The following AGBL4 variants were observed in gnomAD, a reference collection of about 807,000 sequenced individuals.
AGBL4 encodes the protein AGBL carboxypeptidase 4.
In AGBL4, 58 loss-of-function variants were observed where a neutral mutation model predicts 66.4. The observed-to-expected ratio is 0.87, with a 90% confidence interval of 0.71 to 1.09. AGBL4 has a LOEUF of 1.09. Among genes scored for constraint, AGBL4 ranks in the 50% least tolerant of loss-of-function variants. The probability of loss-of-function intolerance (pLI) is 0.00; values close to 1 mark genes in which losing one functional copy is unlikely to be tolerated. For synonymous variants in AGBL4, 234 were observed against 222.9 expected, an observed-to-expected ratio of 1.05 and a Z score of -0.44; for missense variants, 579 against 631.0, an observed-to-expected ratio of 0.92 and a Z score of 0.88.
intron 6 of AGBL4, among the ~76,000 whole-genome samples, chr1:48,836,391 T>C (rs1338686485): frequency 2.6e-5 from 4 of 151,914 alleles, no homozygotes; most frequent in Non-Finnish European, 5.9e-5. Context: ...GGTTCAATAA[T>C]TTTGTGATCT....
chr1:49,120,162 AT>A, intron 4 of AGBL4, among the ~76,000 whole-genome samples: 1 of 152,330 alleles, frequency 6.6e-6, no homozygotes, highest in Admixed American at 6.5e-5. Context: ...TAATTGGAGC[AT>A]TTAGCCCATT....
chr1:50,001,015 A>T (rs945730442), intron 1 of AGBL4, among the ~76,000 whole-genome samples: 1 of 151,950 alleles, frequency 6.6e-6, no homozygotes, highest in African/African-American at 2.4e-5. Context: ...TAAAAAAAAT[A>T]AAAATAAAAA....
At chr1:48,776,934 G>T in intron 6 of AGBL4, 2 of 579,376 alleles carry the variant, frequency 3.5e-6, no homozygotes, top group Non-Finnish European at 5.6e-6. Context: ...GGTGCTGGGG[G>T]GGGCGGGGGC....
intron 6 of AGBL4, among the ~76,000 whole-genome samples, chr1:48,732,432 A>G (rs910395644): frequency 1.3e-5 from 2 of 152,234 alleles, no homozygotes; most frequent in Non-Finnish European, 2.9e-5. Flanking sequence ...AGATGCTCAT[A>G]AAGTTTAATT....
intron 5 of AGBL4, among the ~76,000 whole-genome samples, chr1:48,896,035 A>G (rs901977729): frequency 1.3e-5 from 2 of 152,240 alleles, no homozygotes; most frequent in Admixed American, 6.5e-5. Context: ...GGCGATGGCA[A>G]TAATAATGCC....
chr1:49,915,993 G>A (rs1303326780), intron 1 of AGBL4, among the ~76,000 whole-genome samples: 1 of 152,180 alleles, frequency 6.6e-6, no homozygotes, highest in East Asian at 1.9e-4. Flanking sequence ...TGGACCTCCA[G>A]CAAACTCCAA....
rs564932471 is a variant in AGBL4 at position 48,690,667 on chromosome 1, C to T, written c.635-27426G>A. Reference sequence around the variant, plus strand: ...TCCTATTTTTCCATACAAAATAGGACGTAAGTAGAAAAGCCTCATTTGAAC... The same window carrying T: ...TCCTATTTTTCCATACAAAATAGGATGTAAGTAGAAAAGCCTCATTTGAAC... On this transcript the variant is annotated intron_variant, in intron 6 of 13. Coordinates refer to ENST00000371839, the MANE Select transcript of AGBL4 (RefSeq NM_032785.4). Among the ~76,000 whole-genome samples, 6 of 151,496 alleles carry T rather than the reference C, an allele frequency of 4.0e-5. No homozygotes were observed. In the East Asian group the frequency reaches 5.9e-4, roughly 15 times the overall value.
chr1:49,776,161 T>C (rs998246053), intron 2 of AGBL4, among the ~76,000 whole-genome samples: 12 of 152,042 alleles, frequency 7.9e-5, no homozygotes, highest in African/African-American at 2.9e-4. Context: ...AAAATGGTGG[T>C]CAGTTATGCC....
intron 3 of AGBL4, among the ~76,000 whole-genome samples, chr1:49,615,999 T>G (rs759002470): frequency 1.3e-5 from 2 of 152,156 alleles, no homozygotes; most frequent in Non-Finnish European, 2.9e-5. Context: ...CTCTCCAAAA[T>G]TAAACTGTTA....
intron 4 of AGBL4, among the ~76,000 whole-genome samples, chr1:49,188,952 C>G (rs923247978): frequency 4.6e-5 from 7 of 152,158 alleles, no homozygotes; most frequent in South Asian, 2.1e-4. Flanking sequence ...CAACTCTGAT[C>G]AACTGGCAGT....
intron 1 of AGBL4, among the ~76,000 whole-genome samples, chr1:49,951,671 C>A (rs1236474569): frequency 6.6e-6 from 1 of 151,892 alleles, no homozygotes; most frequent in African/African-American, 2.4e-5. Flanking sequence ...AGTGTTACTC[C>A]CAAATAAATA....
chr1:48,844,325 T>G (rs1646866809), intron 6 of AGBL4, among the ~76,000 whole-genome samples: 1 of 152,178 alleles, frequency 6.6e-6, no homozygotes, highest in South Asian at 2.1e-4. Flanking sequence ...GAAAGCGTAG[T>G]CTCCACGTGC....
intron 12 of AGBL4, 127 bp from the exon 13 acceptor site, chr1:48,535,043 AG>A (rs1249884345): frequency 2.2e-6 from 2 of 890,600 alleles, no homozygotes; most frequent in African/African-American, 3.4e-5. Flanking sequence ...ATAGGACGTA[AG>A]TATGTTTTTA....
At chr1:49,928,026 A>G (rs1652965426) in intron 1 of AGBL4, among the ~76,000 whole-genome samples, 1 of 152,198 alleles carries the variant, frequency 6.6e-6, no homozygotes, top group South Asian at 2.1e-4. Context: ...CAAAAGTTCA[A>G]ATTCCACTTT....
chr1:49,317,209 T>G (rs933347844), intron 3 of AGBL4, among the ~76,000 whole-genome samples: 3 of 151,952 alleles, frequency 2.0e-5, no homozygotes, highest in African/African-American at 7.2e-5. Flanking sequence ...TTTCAATGAT[T>G]TCTACAAATA....
At chr1:49,615,716 G>C (rs564017229) in intron 3 of AGBL4, among the ~76,000 whole-genome samples, 1 of 152,096 alleles carries the variant, frequency 6.6e-6, no homozygotes, top group Non-Finnish European at 1.5e-5. Flanking sequence ...TGGAGCATTT[G>C]GGTTCTCTCT....
intron 3 of AGBL4, among the ~76,000 whole-genome samples, chr1:49,336,933 T>G (rs1025694039): frequency 6.6e-6 from 1 of 152,166 alleles, no homozygotes; most frequent in Non-Finnish European, 1.5e-5. Flanking sequence ...TTCAATAACA[T>G]GTAGAATCAT....
chr1:48,694,658 A>C (rs1222399776), intron 6 of AGBL4, among the ~76,000 whole-genome samples: 1 of 152,156 alleles, frequency 6.6e-6, no homozygotes, highest in African/African-American at 2.4e-5. Flanking sequence ...TATCATGCTT[A>C]GGCATTCATT....
chr1:49,050,098 C>G (rs1027743098), intron 4 of AGBL4, among the ~76,000 whole-genome samples: 1 of 152,070 alleles, frequency 6.6e-6, no homozygotes, highest in African/African-American at 2.4e-5. Flanking sequence ...AGGAAGATTT[C>G]AGGTCCTGTA....
Sources: gnomAD v4.1 joint callset for allele counts (sites outside exome capture counted in the v4.1 genomes callset) on GRCh38, gnomAD v4.1.1 for gene constraint, MANE v1.5 for transcripts, NCBI Gene and HGNC (gene_info 2026-07-23, HGNC 2026-07-21) for gene names.